Variants in DPP10 observed in about 807,000 individuals in gnomAD.
DPP10 encodes inactive dipeptidyl peptidase 10.
In DPP10, 33 loss-of-function variants were observed where a neutral mutation model predicts 120.9. The observed-to-expected ratio is 0.27, with a 90% CI of 0.21 to 0.37. The LOEUF is 0.37. Ranked by LOEUF, DPP10 falls within the 10% of genes least tolerant of loss-of-function variation. DPP10 has a pLI of 1.00. For synonymous variants in DPP10, 337 were observed against 326.1 expected (o/e 1.03, Z -0.36); for missense variants, 816 against 942.8 (o/e 0.87, Z 1.76).
rs143899372 is a variant in DPP10 at position 114,838,372 on chromosome 2, C to T, written c.60+395534C>T. 7.2e-5 allele frequency among the ~76,000 whole-genome samples: 11 copies of T among 152,158 alleles called. No individual in the cohort carries two copies. The East Asian group carries it at 2.1e-3, about 29-fold the overall frequency. On this transcript the variant is annotated intron_variant, in intron 1 of 25. Coordinates refer to ENST00000410059, the MANE Select transcript of DPP10 (RefSeq NM_020868.6). ...TTCCTCTGTCACCCAGGCTGGAGTG[C>T]AGTGTCACTTGGCTCACTGCAACTG...
At chr2:114,483,662 G>A (rs1390339773) in intron 1 of DPP10, among the ~76,000 whole-genome samples, 4 of 152,090 alleles carry the variant, frequency 2.6e-5, no homozygotes, top group African/African-American at 4.8e-5. Context: ...GAGTGCTCAC[G>A]CTAGCTGATC....
At chr2:115,393,183 C>G (rs987081746) in intron 3 of DPP10, among the ~76,000 whole-genome samples, 3 of 151,652 alleles carry the variant, frequency 2.0e-5, no homozygotes, top group Non-Finnish European at 4.4e-5. Flanking sequence ...CATGGTAGTG[C>G]GTGCTTGTGA....
At chr2:115,297,591 G>A (rs905340971) in intron 1 of DPP10, among the ~76,000 whole-genome samples, 1 of 152,038 alleles carries the variant, frequency 6.6e-6, no homozygotes, top group African/African-American at 2.4e-5. Flanking sequence ...GGTGCACCAA[G>A]AACTTAGCTT....
chr2:114,689,526 TAGTG>T, intron 1 of DPP10, among the ~76,000 whole-genome samples: 1 of 152,110 alleles, frequency 6.6e-6, no homozygotes, highest in Non-Finnish European at 1.5e-5. Context: ...ATATTGTGAA[TAGTG>T]CTGCAATGAA....
chr2:115,800,533 T>G (rs1685087162), intron 19 of DPP10, among the ~76,000 whole-genome samples: 1 of 152,188 alleles, frequency 6.6e-6, no homozygotes, highest in South Asian at 2.1e-4. Context: ...TGAATGGTGT[T>G]GCCTAGGTTT....
chr2:115,836,823 A>G, intron 24 of DPP10, 77 bp downstream of exon 24: 4 of 1,376,242 alleles, frequency 2.9e-6, no homozygotes, highest in East Asian at 2.3e-5. Context: ...ACTTGCTTAC[A>G]GGAAGCCCTG....
intron 19 of DPP10, among the ~76,000 whole-genome samples, chr2:115,813,214 C>A (rs1686852973): frequency 6.8e-6 from 1 of 146,672 alleles, no homozygotes; most frequent in Non-Finnish European, 1.5e-5. Context: ...ATCTCCTGAC[C>A]TCATGATCCA....
chr2:115,098,122 C>T (rs890413264), intron 1 of DPP10, among the ~76,000 whole-genome samples: 2 of 152,152 alleles, frequency 1.3e-5, no homozygotes, highest in African/African-American at 4.8e-5. Context: ...TATCAGTCAG[C>T]CATTGGATGA....
chr2:115,001,714 A>G (rs1291607091), intron 1 of DPP10, among the ~76,000 whole-genome samples: 1 of 152,186 alleles, frequency 6.6e-6, no homozygotes, highest in Non-Finnish European at 1.5e-5. Flanking sequence ...TACAAAAGTC[A>G]GGTGCAATTC....
chr2:115,717,865 G>A (rs1024894126), intron 7 of DPP10, among the ~76,000 whole-genome samples: 1 of 152,128 alleles, frequency 6.6e-6, no homozygotes, highest in East Asian at 1.9e-4. Flanking sequence ...CAGGGTCCTG[G>A]GTGGGGGCAT....
chr2:114,746,439 A>G (rs971061100), intron 1 of DPP10, among the ~76,000 whole-genome samples: 1 of 152,186 alleles, frequency 6.6e-6, no homozygotes, highest in Non-Finnish European at 1.5e-5. Flanking sequence ...CAGAAAAATC[A>G]ATACATTTGT....
chr2:114,881,590 G>A (rs3981177), intron 1 of DPP10, among the ~76,000 whole-genome samples: 134 of 129,746 alleles, frequency 1.0e-3, no homozygotes, highest in African/African-American at 3.3e-3. Flanking sequence ...CTGTCTGTCT[G>A]TCTGTCTGTC....
At chr2:115,328,699 T>G (rs2062512920) in intron 2 of DPP10, among the ~76,000 whole-genome samples, 1 of 152,106 alleles carries the variant, frequency 6.6e-6, no homozygotes, top group South Asian at 2.1e-4. Context: ...AGCAGCATTT[T>G]TCTGGTTGAA....
intron 1 of DPP10, among the ~76,000 whole-genome samples, chr2:114,904,616 T>C (rs964617816): frequency 1.3e-5 from 2 of 152,212 alleles, no homozygotes; most frequent in African/African-American, 4.8e-5. Context: ...ACACCAATGG[T>C]GTGACTGGAC....
intron 1 of DPP10, among the ~76,000 whole-genome samples, chr2:114,493,804 A>T (rs932004603): frequency 3.3e-5 from 5 of 152,156 alleles, no homozygotes; most frequent in African/African-American, 1.2e-4. Flanking sequence ...AGAAAGGTAA[A>T]CACTGCAAGC....
intron 1 of DPP10, among the ~76,000 whole-genome samples, chr2:114,555,816 G>A (rs956499915): frequency 6.6e-6 from 1 of 152,112 alleles, no homozygotes; most frequent in African/African-American, 2.4e-5. Flanking sequence ...AAGTGTAGTT[G>A]TAACCCAAAT....
chr2:114,906,365 C>G (rs2106634994), intron 1 of DPP10, among the ~76,000 whole-genome samples: 1 of 147,918 alleles, frequency 6.8e-6, no homozygotes, highest in South Asian at 2.1e-4. Context: ...GCCTGGGCGA[C>G]AGAGTGAGTT....
rs1692569722 is a variant in DPP10, at chr2:114,603,845, C to T, written c.60+161007C>T. On this transcript the variant is annotated intron_variant, in intron 1 of 25. Coordinates refer to ENST00000410059, the MANE Select transcript of DPP10 (RefSeq NM_020868.6). ...GTAAAAAAGAAGGAGTGTTGTGGGT[C>T]CCCAGATCACCCACCAGATTTGATG... is the stretch of plus-strand genomic sequence containing the variant. Among the ~76,000 whole-genome samples the T allele has an allele frequency of 2.6e-5, 4 of 151,984 alleles. No individual in the cohort carries two copies. In the South Asian group the frequency reaches 8.3e-4, roughly 32 times the overall value.
intron 1 of DPP10, among the ~76,000 whole-genome samples, chr2:114,540,597 C>A (rs920849626): frequency 2.6e-5 from 4 of 152,194 alleles, no homozygotes; most frequent in African/African-American, 9.7e-5. Context: ...GATGGAGCCA[C>A]ACTAAATATT....
Sources: allele counts gnomAD v4.1 joint callset (sites outside exome capture counted in the v4.1 genomes callset), GRCh38; gene constraint gnomAD v4.1.1; transcripts MANE v1.5; gene names NCBI Gene and HGNC (gene_info 2026-07-23, HGNC 2026-07-21).